EFNA2: variants seen among roughly 807,000 people sequenced by gnomAD.
EFNA2 encodes the protein ephrin-A2.
A neutral mutation model predicts 19.7 loss-of-function variants in EFNA2; 18 were observed. The observed-to-expected ratio is 0.91, with a 90% CI of 0.63 to 1.35. The LOEUF is 1.35. EFNA2 is among the 40% of genes most tolerant of loss of function. The pLI is 0.00. For missense variants in EFNA2, 303 were observed against 296.0 expected (o/e 1.02, Z -0.17); for synonymous variants, 187 against 137.8 (o/e 1.36, Z -2.50).
chr19:1,298,471 G>T (rs1024242461), intron 2 of EFNA2, 80 bp from the exon 3 acceptor site: 4 of 1,465,272 alleles, frequency 2.7e-6, no homozygotes, highest in Non-Finnish European at 3.8e-6. Flanking sequence ...ATTCACCAAG[G>T]TGGGGAAGGG....
At chr19:1,291,991 G>A (rs1243615737) in intron 1 of EFNA2, among the ~76,000 whole-genome samples, 2 of 152,328 alleles carry the variant, frequency 1.3e-5, no homozygotes, top group East Asian at 1.9e-4. Context: ...AACTGCCACC[G>A]CTGCTCTGTC....
chr19:1,289,468 C>A (rs2081481402), intron 1 of EFNA2, among the ~76,000 whole-genome samples: 1 of 152,210 alleles, frequency 6.6e-6, no homozygotes, highest in Non-Finnish European at 1.5e-5. Flanking sequence ...GGCAACCCCG[C>A]TGTTGGCCCT....
At chr19:1,298,523 C>G in intron 2 of EFNA2, 28 bp from the exon 3 acceptor site, 1 of 1,611,994 alleles carries the variant, frequency 6.2e-7, no homozygotes, top group Non-Finnish European at 8.5e-7. Context: ...AGGCACTTCC[C>G]CACTCATCCC....
Position 1,300,031 on chromosome 19 carries a change from C to G in EFNA2, c.*86C>G. 6.8e-7 allele frequency: 1 copy of G among 1,462,052 alleles called. No homozygotes were observed. Among genetic ancestry groups the G allele is most frequent in the Non-Finnish European group, 9.0e-7 (1 of 1,108,472 alleles). 90.6% of individuals were successfully genotyped at this position (1,462,052 alleles called of 1,614,324 possible). On this transcript the variant is annotated 3_prime_UTR_variant, in exon 4 of 4. Coordinates refer to ENST00000215368, the MANE Select transcript of EFNA2 (RefSeq NM_001405.4). ...GCCCTCCGGACCCGGCTGCGGCCCC[C>G]GCCTCCGAGACCAAATAGAGACGCT...
rs2081534879 is a variant in EFNA2, at chr19:1,300,170, C to G, written c.*225C>G. On this transcript the variant is annotated 3_prime_UTR_variant, in exon 4 of 4. Transcript: ENST00000215368. ...GCCCCCCCCCGGAGGCCCGAGGGGC[C>G]GGGGTGTGGATGCGGACCGTGGCCA... 2.2e-6 allele frequency: 1 copy of G among 448,318 alleles called. No homozygotes were observed. Among genetic ancestry groups the G allele is most frequent in the Non-Finnish European group, 3.7e-6 (1 of 270,464 alleles). The allele number at this position is 448,318 out of a possible 1,614,324, so 27.8% of individuals were successfully genotyped here.
chr19:1,293,526 C>G (rs982685051), intron 1 of EFNA2, among the ~76,000 whole-genome samples: 2 of 152,224 alleles, frequency 1.3e-5, no homozygotes, highest in Non-Finnish European at 2.9e-5. Context: ...GGCCGGACCT[C>G]GAGACCCAAG....
intron 1 of EFNA2, among the ~76,000 whole-genome samples, chr19:1,289,165 G>A (rs771207045): frequency 3.3e-5 from 5 of 152,362 alleles, no homozygotes; most frequent in Admixed American, 6.5e-5. Context: ...CAGCTCTGGC[G>A]TGTTTGCACA....
In EFNA2 at chr19:1,292,610, C is replaced by A. The variant is rs73920409; in HGVS notation, c.141-2935C>A. On this transcript the variant is annotated intron_variant, in intron 1 of 3. Transcript: ENST00000215368. ...GGCCCTTGGTGGGAACAGGGACAGC[C>A]GGGAGGCTGGTGTGGCTGGAAGGGA... is the stretch of plus-strand genomic sequence containing the variant. 2.7e-3 allele frequency among the ~76,000 whole-genome samples: 414 copies of A among 152,228 alleles called. 4 individuals are homozygous for A. The highest frequency in any genetic ancestry group is 9.8e-3 in the African/African-American group (406 of 41,526).
At position 1,287,464 on chromosome 19, in the gene EFNA2, C is replaced by T. The variant is rs1449086578; in HGVS notation, c.140+1156C>T. Among the ~76,000 whole-genome samples, 1 of 152,036 alleles carries T rather than the reference C, an allele frequency of 6.6e-6. No individual in the cohort carries two copies. Among genetic ancestry groups the T allele is most frequent in the Non-Finnish European group, 1.5e-5 (1 of 67,974 alleles). On this transcript the variant is annotated intron_variant, in intron 1 of 3. Transcript: ENST00000215368. The surrounding 1 kb of genome is among the most constrained non-coding windows in gnomAD (Gnocchi z 6.2). ...GCCGACCGAGCCGCCCTCTGGAGCC[C>T]GCCACCCCTCCTTGTCCCCTCTGTC...
rs991014589 is a variant in EFNA2, at chr19:1,300,148, C to T, written c.*203C>T. ...CAGGGAGGGGAAACGGCCGAGAGCC[C>T]CCCCCCGGAGGCCCGAGGGGCCGGG... On this transcript the variant is annotated 3_prime_UTR_variant, in exon 4 of 4. Coordinates refer to ENST00000215368, the MANE Select transcript of EFNA2 (RefSeq NM_001405.4). The T allele has an allele frequency of 4.4e-6, 3 of 687,512 alleles. No individual in the cohort carries two copies. Among genetic ancestry groups the T allele is most frequent in the Admixed American group, 3.7e-5 (1 of 26,854 alleles). The allele number at this position is 687,512 out of a possible 1,614,324, so 42.6% of individuals were successfully genotyped here.
chr19:1,298,604 G>A lies in EFNA2; in HGVS notation c.508G>A (p.Val170Met), dbSNP rs772062288. 2.0e-5 allele frequency: 32 copies of A among 1,613,922 alleles called. No individual in the cohort carries two copies. The highest frequency in any genetic ancestry group is 2.5e-5 in the Non-Finnish European group (29 of 1,179,974). Reference sequence around the variant, plus strand: ...GCCCTGCCTGCGACTGAAGGTGTACGTGCGGCCGACCAGTAAGTGCTCAGG... The same window carrying A: ...GCCCTGCCTGCGACTGAAGGTGTACATGCGGCCGACCAGTAAGTGCTCAGG... ...DRPCLRLKVY[V>M]RPTNETLYEA... Residue 170 changes from valine (V) to methionine (M), a missense_variant, in exon 3 of 4, where the codon GTG (valine) becomes ATG (methionine). Val to Met is a conservative substitution (Grantham distance 21, BLOSUM62 1). Coordinates refer to ENST00000215368, the MANE Select transcript of EFNA2 (RefSeq NM_001405.4).
rs534272993 is a variant in EFNA2 at position 1,286,985 on chromosome 19, G to A, written c.140+677G>A. Among the ~76,000 whole-genome samples, 3 of 152,308 alleles carry A rather than the reference G, an allele frequency of 2.0e-5. No individual in the cohort carries two copies. Among genetic ancestry groups the A allele is most frequent in the African/African-American group, 7.2e-5 (3 of 41,578 alleles). Reference sequence around the variant, plus strand: ...GAAACTGAGGTGCAGAGGGGATGAGGAGCTGGCTCAAGGTCATGCAAGGGG... The same window carrying A: ...GAAACTGAGGTGCAGAGGGGATGAGAAGCTGGCTCAAGGTCATGCAAGGGG... On this transcript the variant is annotated intron_variant, in intron 1 of 3. Transcript: ENST00000215368. The surrounding 1 kb of genome is among the most constrained non-coding windows in gnomAD (Gnocchi z 5.6).
At chr19:1,284,885 G>A (rs576526956), upstream of EFNA2, among the ~76,000 whole-genome samples, 14 of 152,340 alleles carry the variant, frequency 9.2e-5, no homozygotes, top group South Asian at 2.9e-3. The surrounding 1 kb of genome is among the most constrained non-coding windows in gnomAD (Gnocchi z 5.3). Context: ...TCCAGCCAGC[G>A]TTTGATGACA....
In EFNA2 at chr19:1,295,469, G is replaced by A; in HGVS notation, c.141-76G>A. On this transcript the variant is annotated intron_variant, in intron 1 of 3. Transcript: ENST00000215368. This position sits in a 1 kb window ranked among gnomAD's most constrained non-coding sequence, Gnocchi z 5.8. ...CCTCGTGCTCCTGTCCCCTGACCCT[G>A]GCCCTCCCCGCGCACCCCGACCCGT... 1.4e-6 allele frequency: 2 copies of A among 1,392,044 alleles called. No homozygotes were observed. Among genetic ancestry groups the A allele is most frequent in the Non-Finnish European group, 1.9e-6 (2 of 1,062,844 alleles). 86.2% of individuals were successfully genotyped at this position (1,392,044 alleles called of 1,614,324 possible). A position where few individuals can be genotyped will look rare whatever the true frequency, so the allele number is the denominator to read the frequency against.
At chr19:1,291,510 C>T (rs2081491342) in intron 1 of EFNA2, among the ~76,000 whole-genome samples, 1 of 151,798 alleles carries the variant, frequency 6.6e-6, no homozygotes, top group Admixed American at 6.6e-5. Flanking sequence ...CAGGAGGGGA[C>T]GGGCGGCCTC....
intron 1 of EFNA2, among the ~76,000 whole-genome samples, chr19:1,289,217 AGT>A (rs1227421890): frequency 6.6e-6 from 1 of 152,104 alleles, no homozygotes; most frequent in East Asian, 1.9e-4. Context: ...TGTGTGCATG[AGT>A]GTGTCTGTGC....
rs1235929755 is a variant in EFNA2, at chr19:1,286,895, C to T, written c.140+587C>T. On this transcript the variant is annotated intron_variant, in intron 1 of 3. Coordinates refer to ENST00000215368, the MANE Select transcript of EFNA2 (RefSeq NM_001405.4). The surrounding 1 kb of genome is among the most constrained non-coding windows in gnomAD (Gnocchi z 5.6). ...GAAAGGAGACTGAGGGGCCGGGGAGCTGGGGGTCAGCCCCGGGAGGGGCAG... is the reference window on the plus strand; with the variant it reads ...GAAAGGAGACTGAGGGGCCGGGGAGTTGGGGGTCAGCCCCGGGAGGGGCAG... Among the ~76,000 whole-genome samples, 4 of 152,208 alleles carry T rather than the reference C, an allele frequency of 2.6e-5. No individual in the cohort carries two copies. Among genetic ancestry groups the T allele is most frequent in the Non-Finnish European group, 4.4e-5 (3 of 68,032 alleles).
At chr19:1,291,432 A>G (rs2081491023) in intron 1 of EFNA2, among the ~76,000 whole-genome samples, 1 of 152,104 alleles carries the variant, frequency 6.6e-6, no homozygotes, top group African/African-American at 2.4e-5. Flanking sequence ...GTCAGGGGGG[A>G]CATCTCTTCC....
In EFNA2 at chr19:1,296,478, C is replaced by A. The variant is rs1031240450; in HGVS notation, c.454+620C>A. Among the ~76,000 whole-genome samples, 1 of 152,084 alleles carries A rather than the reference C, an allele frequency of 6.6e-6. No individual in the cohort carries two copies. Among genetic ancestry groups the A allele is most frequent in the East Asian group, 1.9e-4 (1 of 5,190 alleles). On this transcript the variant is annotated intron_variant, in intron 2 of 3. Coordinates refer to ENST00000215368, the MANE Select transcript of EFNA2 (RefSeq NM_001405.4). The surrounding 1 kb of genome is among the most constrained non-coding windows in gnomAD (Gnocchi z 4.4). ...GATCACTTGAGGCCAGCGTGGACAA[C>A]GTAGGGAGACCTTCTCTCTACAAAA...
Sources: allele counts gnomAD v4.1 joint callset (sites outside exome capture counted in the v4.1 genomes callset), GRCh38; gene constraint gnomAD v4.1.1; non-coding constraint Gnocchi (gnomAD v3.1); transcripts MANE v1.5; gene names NCBI Gene and HGNC (gene_info 2026-07-23, HGNC 2026-07-21).